Variants in PPM1L observed in about 807,000 individuals in gnomAD.
PPM1L encodes protein phosphatase 1L.
PPM1L carries 13 observed loss-of-function variants against 31.4 expected under a neutral mutation model. The observed-to-expected ratio is 0.41, with a 90% confidence interval of 0.27 to 0.66. PPM1L has a LOEUF of 0.66. Among genes scored for constraint, PPM1L ranks in the 30% least tolerant of loss-of-function variants. PPM1L has a pLI of 0.29. For synonymous variants in PPM1L, 184 were observed against 175.4 expected (o/e 1.05, Z -0.39); for missense variants, 326 against 453.7 (o/e 0.72, Z 2.56).
intron 1 of PPM1L, among the ~76,000 whole-genome samples, chr3:160,924,906 A>G (rs946716449): frequency 6.6e-6 from 1 of 152,210 alleles, no homozygotes; most frequent in Non-Finnish European, 1.5e-5. Flanking sequence ...CCTTTCTGGT[A>G]TGTTGTCCTT....
chr3:161,008,669 T>A lies in PPM1L; in HGVS notation c.574+46759T>A, dbSNP rs545142641. Among the ~76,000 whole-genome samples, 9 of 152,178 alleles carry A rather than the reference T, an allele frequency of 5.9e-5. No individual in the cohort carries two copies. In the South Asian group the frequency reaches 1.9e-3, roughly 32 times the overall value. On this transcript the variant is annotated intron_variant, in intron 2 of 3. Coordinates refer to ENST00000498165, the MANE Select transcript of PPM1L (RefSeq NM_139245.4). The stretch of plus-strand genomic sequence containing the variant: ...TGGTGGAGATTTCTAATAGATTGGA[T>A]GTGAAGTGTAGGAAAAAGAACAGAG...
chr3:160,914,623 C>T (rs1560149431), intron 1 of PPM1L, among the ~76,000 whole-genome samples: 1 of 152,084 alleles, frequency 6.6e-6, no homozygotes, highest in Non-Finnish European at 1.5e-5. Context: ...ATGAACTCAT[C>T]ATTTTTTATG....
At chr3:160,842,338 T>C in intron 1 of PPM1L, 1 of 700,546 alleles carries the variant, frequency 1.4e-6, no homozygotes, top group Non-Finnish European at 2.6e-6. Flanking sequence ...TGATGGGGGG[T>C]AATGAATAAT....
chr3:160,887,997 A>G lies in PPM1L; in HGVS notation c.400-73739A>G, dbSNP rs183347193. ...TAAGAAAATGCTGAGGGATTTCATTATCACTAGGCCTGCCTTGCAAGAGCT... is the reference window on the plus strand; with the variant it reads ...TAAGAAAATGCTGAGGGATTTCATTGTCACTAGGCCTGCCTTGCAAGAGCT... On this transcript the variant is annotated intron_variant, in intron 1 of 3. Coordinates refer to ENST00000498165, the MANE Select transcript of PPM1L (RefSeq NM_139245.4). Among the ~76,000 whole-genome samples the G allele has an allele frequency of 2.0e-5, 3 of 152,302 alleles. No individual in the cohort carries two copies. The East Asian group carries it at 5.8e-4, about 29-fold the overall frequency.
At chr3:160,973,040 T>G (rs1203101239) in intron 2 of PPM1L, among the ~76,000 whole-genome samples, 1 of 152,188 alleles carries the variant, frequency 6.6e-6, no homozygotes, top group Non-Finnish European at 1.5e-5. Flanking sequence ...AAAATCACAT[T>G]CCCCAACTTC....
At chr3:161,068,736 G>C (rs1025511088) in intron 3 of PPM1L, 75 bp from the exon 4 acceptor site, 1 of 1,243,090 alleles carries the variant, frequency 8.0e-7, no homozygotes, top group African/African-American at 1.5e-5. Context: ...TCACCCTGTT[G>C]CGCACGTACC....
At chr3:161,020,599 G>T (rs1718211996) in intron 2 of PPM1L, among the ~76,000 whole-genome samples, 1 of 152,078 alleles carries the variant, frequency 6.6e-6, no homozygotes. Flanking sequence ...GTATTTTTTG[G>T]AAAAGTTTGT....
chr3:161,063,259 G>A (rs1319950842), intron 2 of PPM1L, among the ~76,000 whole-genome samples: 1 of 151,892 alleles, frequency 6.6e-6, no homozygotes, highest in Non-Finnish European at 1.5e-5. Flanking sequence ...TAATTGTGTG[G>A]ATTGTGCTTT....
intron 1 of PPM1L, among the ~76,000 whole-genome samples, chr3:160,805,586 G>T (rs1712574009): frequency 6.6e-6 from 1 of 152,132 alleles, no homozygotes; most frequent in Non-Finnish European, 1.5e-5. Context: ...GTCAGGTGTG[G>T]TGGCAGGTGC....
At chr3:160,808,799 G>A (rs1308693260) in intron 1 of PPM1L, among the ~76,000 whole-genome samples, 2 of 152,144 alleles carry the variant, frequency 1.3e-5, no homozygotes, top group Admixed American at 1.3e-4. Flanking sequence ...AGTGAATCAG[G>A]GGTTGAATTA....
At chr3:161,058,399 A>G (rs1370792980) in intron 2 of PPM1L, among the ~76,000 whole-genome samples, 1 of 151,986 alleles carries the variant, frequency 6.6e-6, no homozygotes, top group Non-Finnish European at 1.5e-5. Flanking sequence ...TGCTGGGATT[A>G]CAGGCATGAG....
In PPM1L at chr3:160,834,937, A is replaced by T. The variant is rs572751890; in HGVS notation, c.399+78230A>T. On this transcript the variant is annotated intron_variant, in intron 1 of 3. Coordinates refer to ENST00000498165, the MANE Select transcript of PPM1L (RefSeq NM_139245.4). ...CGACATAGGTTTTTTTTCCTCTGGG[A>T]TAAATGCACAAAAGAACAATTGTCA... Among the ~76,000 whole-genome samples the T allele has an allele frequency of 3.3e-5, 5 of 152,102 alleles. No individual in the cohort carries two copies. In the East Asian group the frequency reaches 9.7e-4, roughly 29 times the overall value.
intron 2 of PPM1L, among the ~76,000 whole-genome samples, chr3:161,020,426 G>A (rs982786959): frequency 6.6e-6 from 1 of 152,112 alleles, no homozygotes; most frequent in Non-Finnish European, 1.5e-5. Flanking sequence ...CTTAACATAA[G>A]CAAGGCTCAT....
Position 160,815,551 on chromosome 3 carries a change from T to C in PPM1L, c.399+58844T>C, listed in dbSNP as rs550197955. On this transcript the variant is annotated intron_variant, in intron 1 of 3. Coordinates refer to ENST00000498165, the MANE Select transcript of PPM1L (RefSeq NM_139245.4). ...GCTTCATCCAGTGTTAAAAAACTTTTGATTACAGAATTTTTTTCTCCAGGA... is the reference window on the plus strand; with the variant it reads ...GCTTCATCCAGTGTTAAAAAACTTTCGATTACAGAATTTTTTTCTCCAGGA... Among the ~76,000 whole-genome samples the C allele has an allele frequency of 3.9e-5, 6 of 152,316 alleles. No homozygotes were observed. The East Asian group carries it at 1.2e-3, about 29-fold the overall frequency.
intron 1 of PPM1L, among the ~76,000 whole-genome samples, chr3:160,935,456 C>T (rs1029398277): frequency 2.0e-5 from 3 of 152,102 alleles, no homozygotes. Context: ...TTTGGTTTAG[C>T]ATAGTTAAAA....
At chr3:160,866,673 TA>T (rs1712099455) in intron 1 of PPM1L, among the ~76,000 whole-genome samples, 1 of 152,216 alleles carries the variant, frequency 6.6e-6, no homozygotes, top group Non-Finnish European at 1.5e-5. Context: ...TAAGGTGTGA[TA>T]ATGGTAAACC....
intron 1 of PPM1L, among the ~76,000 whole-genome samples, chr3:160,789,179 A>G (rs1712024979): frequency 6.6e-6 from 1 of 151,922 alleles, no homozygotes; most frequent in Admixed American, 6.6e-5. Flanking sequence ...CTTCATATAG[A>G]TATTTTACAT....
At chr3:160,842,267 A>G in intron 1 of PPM1L, 1 of 702,600 alleles carries the variant, frequency 1.4e-6, no homozygotes. Context: ...AGAGGGCTAG[A>G]CCAGAACATG....
intron 1 of PPM1L, among the ~76,000 whole-genome samples, chr3:160,910,079 G>C (rs1417851404): frequency 6.6e-6 from 1 of 152,142 alleles, no homozygotes; most frequent in Non-Finnish European, 1.5e-5. Flanking sequence ...GGGTCTGGCT[G>C]TTCTGTTTAA....
Sources: allele counts gnomAD v4.1 joint callset (sites outside exome capture counted in the v4.1 genomes callset), GRCh38; gene constraint gnomAD v4.1.1; transcripts MANE v1.5; gene names NCBI Gene and HGNC (gene_info 2026-07-23, HGNC 2026-07-21).